CLASP1: variants seen among roughly 807,000 people sequenced by gnomAD.
CLASP1 encodes CLIP-associating protein 1.
A neutral mutation model predicts 192.3 loss-of-function variants in CLASP1; 38 were observed. The observed-to-expected ratio is 0.20, with a 90% CI of 0.15 to 0.26. CLASP1 has a LOEUF of 0.26. Ranked by LOEUF, CLASP1 falls within the 10% of genes least tolerant of loss-of-function variation. The pLI is 1.00. For synonymous variants in CLASP1, 691 were observed against 712.8 expected (o/e 0.97, Z 0.49); for missense variants, 1,433 against 1,932.5 (o/e 0.74, Z 4.85).
intron 7 of CLASP1, among the ~76,000 whole-genome samples, chr2:121,510,968 T>C (rs866293811): frequency 1.5e-4 from 23 of 152,094 alleles, no homozygotes; most frequent in Admixed American, 1.2e-3. Flanking sequence ...GTCAGGATGA[T>C]GGGTTTGCAA....
chr2:121,533,097 T>C (rs1289134067), intron 2 of CLASP1, among the ~76,000 whole-genome samples: 1 of 152,096 alleles, frequency 6.6e-6, no homozygotes, highest in Non-Finnish European at 1.5e-5. Context: ...GCAGTTTACT[T>C]GGTAGGTCTG....
At chr2:121,610,875 A>G (rs1332481122) in intron 1 of CLASP1, among the ~76,000 whole-genome samples, 3 of 94,788 alleles carry the variant, frequency 3.2e-5, no homozygotes, top group Admixed American at 2.2e-4. Context: ...AGGAGGAAGG[A>G]GAGCTGGCGG....
intron 2 of CLASP1, among the ~76,000 whole-genome samples, chr2:121,599,814 G>C (rs2063587988): frequency 6.6e-6 from 1 of 151,004 alleles, no homozygotes; most frequent in Non-Finnish European, 1.5e-5. Flanking sequence ...CAGCTACTCA[G>C]GAGGCTGAGG....
At chr2:121,439,715 A>G (rs1244251001) in intron 19 of CLASP1, among the ~76,000 whole-genome samples, 1 of 151,844 alleles carries the variant, frequency 6.6e-6, no homozygotes, top group Non-Finnish European at 1.5e-5. Context: ...CTGGATTAAG[A>G]AAATGTGGCA....
chr2:121,536,380 A>G (rs1160734223), intron 2 of CLASP1, among the ~76,000 whole-genome samples: 1 of 132,710 alleles, frequency 7.5e-6, no homozygotes, highest in Non-Finnish European at 1.7e-5. Flanking sequence ...GACTGTCTGA[A>G]AAAAAAAAAA....
rs1474410715 is a variant in CLASP1, at chr2:121,426,214, A to G, written c.2045-908T>C. ...ATAAAATGAAATTCAGCTGTCTGGTATTTTTAAAAGTCAAACAATACACCA... is the reference window on the plus strand; with the variant it reads ...ATAAAATGAAATTCAGCTGTCTGGTGTTTTTAAAAGTCAAACAATACACCA... On this transcript the variant is annotated intron_variant, in intron 21 of 39. Transcript: ENST00000263710. Among the ~76,000 whole-genome samples, 4 of 152,196 alleles carry G rather than the reference A, an allele frequency of 2.6e-5. No homozygotes were observed. In the East Asian group the frequency reaches 7.7e-4, roughly 29 times the overall value.
chr2:121,421,996 G>A (rs939084136), intron 22 of CLASP1, among the ~76,000 whole-genome samples: 1 of 152,202 alleles, frequency 6.6e-6, no homozygotes, highest in East Asian at 1.9e-4. Flanking sequence ...ATAAGAGGGA[G>A]AGACCAGGAA....
At chr2:121,420,338 G>A (rs1049300782) in intron 22 of CLASP1, among the ~76,000 whole-genome samples, 3 of 152,190 alleles carry the variant, frequency 2.0e-5, no homozygotes, top group Non-Finnish European at 2.9e-5. Flanking sequence ...ATGACAAAAG[G>A]AGATGCCAAA....
intron 19 of CLASP1, among the ~76,000 whole-genome samples, chr2:121,435,283 TC>T (rs2149684442): frequency 6.6e-6 from 1 of 152,358 alleles, no homozygotes; most frequent in East Asian, 1.9e-4. Flanking sequence ...TTTCTTTTTT[TC>T]TTTTTTTGAG....
In CLASP1 at chr2:121,520,351, C is replaced by G. The variant is rs189290128; in HGVS notation, c.547-4589G>C. Among the ~76,000 whole-genome samples, 329 of 152,288 alleles carry G rather than the reference C, an allele frequency of 2.2e-3. 2 individuals are homozygous for G. Among genetic ancestry groups the G allele is most frequent in the South Asian group, 3.3e-3 (16 of 4,830 alleles). On this transcript the variant is annotated intron_variant, in intron 6 of 39. Transcript: ENST00000263710. ...TAAACTGATGAGACCCTAAATCCAC[C>G]CTGTCCTCCTAGAACCCAGCACAGC... is the stretch of plus-strand genomic sequence containing the variant.
chr2:121,485,489 A>C (rs892470163), intron 8 of CLASP1, among the ~76,000 whole-genome samples: 1 of 152,302 alleles, frequency 6.6e-6, no homozygotes, highest in East Asian at 1.9e-4. Context: ...CAAGTACACT[A>C]AAGACTCCAA....
chr2:121,530,050 C>T (rs1307710079), intron 3 of CLASP1, among the ~76,000 whole-genome samples, 197 bp downstream of exon 3: 2 of 135,644 alleles, frequency 1.5e-5, no homozygotes, highest in Non-Finnish European at 3.1e-5. Context: ...GGCAGCGGGG[C>T]GGCCGACCCA....
intron 37 of CLASP1, among the ~76,000 whole-genome samples, chr2:121,349,195 G>A (rs549368220): frequency 9.9e-5 from 15 of 151,776 alleles, no homozygotes; most frequent in African/African-American, 2.2e-4. Context: ...AGCCAAGATC[G>A]CGCCACCGCA....
At chr2:121,399,949 GAA>G (rs931355406) in intron 28 of CLASP1, among the ~76,000 whole-genome samples, 1 of 152,012 alleles carries the variant, frequency 6.6e-6, no homozygotes, top group Non-Finnish European at 1.5e-5. Flanking sequence ...GACCTTTCTT[GAA>G]AAGTCTGGTA....
chr2:121,531,116 T>TGGTTAAACCA, intron 2 of CLASP1: 1 of 636,588 alleles, frequency 1.6e-6, no homozygotes, highest in Admixed American at 2.3e-5. Flanking sequence ...GTGGTTTTAG[T>TGGTTAAACCA]GTCGCAAGTA....
intron 8 of CLASP1, among the ~76,000 whole-genome samples, chr2:121,498,872 C>T (rs1373270542): frequency 1.3e-5 from 2 of 152,092 alleles, no homozygotes; most frequent in Non-Finnish European, 2.9e-5. Context: ...AATGAGATAC[C>T]ACTTTACAGC....
At chr2:121,625,127 T>C (rs2068073797) in intron 1 of CLASP1, among the ~76,000 whole-genome samples, 1 of 152,258 alleles carries the variant, frequency 6.6e-6, no homozygotes, top group African/African-American at 2.4e-5. Flanking sequence ...ATGTGTATCC[T>C]GCTATTATTG....
At chr2:121,629,464 T>C (rs936164701) in intron 1 of CLASP1, among the ~76,000 whole-genome samples, 1 of 151,790 alleles carries the variant, frequency 6.6e-6, no homozygotes. Flanking sequence ...CTGCAATCAT[T>C]TTAGTGAAAA....
chr2:121,421,501 G>A (rs1318562044), intron 22 of CLASP1, among the ~76,000 whole-genome samples: 1 of 152,094 alleles, frequency 6.6e-6, no homozygotes, highest in Non-Finnish European at 1.5e-5. Context: ...ACCCGCCTTA[G>A]CCTTCCAAAG....
Sources: allele counts gnomAD v4.1 joint callset (sites outside exome capture counted in the v4.1 genomes callset), GRCh38; gene constraint gnomAD v4.1.1; transcripts MANE v1.5; gene names NCBI Gene and HGNC (gene_info 2026-07-23, HGNC 2026-07-21).